LOC128125817: variants seen among roughly 807,000 people sequenced by gnomAD.
At chr1:41,613,049 G>A in the LOC128125817 span, among the ~76,000 whole-genome samples, 27 of 152,244 alleles carry the variant, frequency 1.8e-4, no homozygotes, top group African/African-American at 6.3e-4. Context: ...CAGGGCAGAG[G>A]ATTCCCTGGG....
chr1:41,615,381 C>T, the LOC128125817 span, among the ~76,000 whole-genome samples: 5 of 152,352 alleles, frequency 3.3e-5, no homozygotes, highest in Admixed American at 6.5e-5. Context: ...ATCTCCTCCA[C>T]CTGGAGAACC....
At chr1:41,624,097 G>A in the LOC128125817 span, among the ~76,000 whole-genome samples, 7 of 152,250 alleles carry the variant, frequency 4.6e-5, no homozygotes, top group East Asian at 3.9e-4. Flanking sequence ...CCTGGGTTGC[G>A]AAGAGTACTA....
the LOC128125817 span, among the ~76,000 whole-genome samples, chr1:41,619,636 C>T: frequency 2.6e-5 from 4 of 152,084 alleles, no homozygotes; most frequent in African/African-American, 9.7e-5. Context: ...TGGGGTGTCA[C>T]CTGACTGGTA....
the LOC128125817 span, among the ~76,000 whole-genome samples, chr1:41,598,366 C>T: frequency 6.6e-6 from 1 of 152,146 alleles, no homozygotes; most frequent in Non-Finnish European, 1.5e-5. Context: ...AGTTAAGGTT[C>T]TTGTGTCTAC....
chr1:41,596,695 A>G, the LOC128125817 span, among the ~76,000 whole-genome samples: 1 of 152,194 alleles, frequency 6.6e-6, no homozygotes, highest in African/African-American at 2.4e-5. Flanking sequence ...CTTTTTATAG[A>G]TGGGGGCAGG....
the LOC128125817 span, among the ~76,000 whole-genome samples, chr1:41,619,146 C>T: frequency 6.6e-6 from 1 of 152,204 alleles, no homozygotes; most frequent in Non-Finnish European, 1.5e-5. Flanking sequence ...CCCCCACCCC[C>T]ACTCCTCCAG....
chr1:41,607,792 C>T, the LOC128125817 span, among the ~76,000 whole-genome samples: 1 of 152,226 alleles, frequency 6.6e-6, no homozygotes, highest in African/African-American at 2.4e-5. Flanking sequence ...CAGTTTATTT[C>T]TGTCTTATGT....
the LOC128125817 span, among the ~76,000 whole-genome samples, chr1:41,593,171 T>A: frequency 6.6e-6 from 1 of 152,200 alleles, no homozygotes; most frequent in Non-Finnish European, 1.5e-5. Flanking sequence ...CTTGAAAAAT[T>A]TTAAACCACT....
chr1:41,588,679 G>A, the LOC128125817 span, among the ~76,000 whole-genome samples: 1 of 152,286 alleles, frequency 6.6e-6, no homozygotes, highest in African/African-American at 2.4e-5. Flanking sequence ...CCACACTTCT[G>A]AGTGGGGAGC....
At chr1:41,589,125 G>C in the LOC128125817 span, among the ~76,000 whole-genome samples, 1 of 152,214 alleles carries the variant, frequency 6.6e-6, no homozygotes, top group Non-Finnish European at 1.5e-5. Flanking sequence ...AAGTGATAAA[G>C]AAAAGAGCCA....
chr1:41,628,402 G>A, the LOC128125817 span, among the ~76,000 whole-genome samples: 1 of 152,192 alleles, frequency 6.6e-6, no homozygotes, highest in African/African-American at 2.4e-5. Flanking sequence ...AGTTGGACTG[G>A]CTTGTGGAGG....
the LOC128125817 span, among the ~76,000 whole-genome samples, chr1:41,623,527 G>T: frequency 6.6e-6 from 1 of 152,180 alleles, no homozygotes; most frequent in African/African-American, 2.4e-5. Context: ...AAGCACAGGG[G>T]TTTTTCTATC....
chr1:41,599,609 A>T, the LOC128125817 span, among the ~76,000 whole-genome samples: 1 of 152,232 alleles, frequency 6.6e-6, no homozygotes. Context: ...ACCTAAACTC[A>T]GAGATAAAAC....
chr1:41,615,725 G>A, the LOC128125817 span, among the ~76,000 whole-genome samples: 3 of 150,978 alleles, frequency 2.0e-5, no homozygotes, highest in South Asian at 6.3e-4. Context: ...TGGTAATCCC[G>A]AGTTCAGGAT....
At chr1:41,585,973 C>T in the LOC128125817 span, among the ~76,000 whole-genome samples, 1 of 152,180 alleles carries the variant, frequency 6.6e-6, no homozygotes, top group African/African-American at 2.4e-5. Flanking sequence ...CTAACCCGCA[C>T]CCCAGCCCAT....
chr1:41,620,175 G>C, the LOC128125817 span, among the ~76,000 whole-genome samples: 1 of 152,222 alleles, frequency 6.6e-6, no homozygotes, highest in African/African-American at 2.4e-5. Flanking sequence ...ACAGAGGCAA[G>C]ACAGCAGGGC....
the LOC128125817 span, among the ~76,000 whole-genome samples, chr1:41,590,218 C>T: frequency 2.1e-3 from 324 of 152,344 alleles, 1 homozygote; most frequent in South Asian, 4.6e-3. Context: ...AGAAGGATGT[C>T]TGGGCAAAGA....
At chr1:41,591,049 A>T in the LOC128125817 span, among the ~76,000 whole-genome samples, 1 of 152,236 alleles carries the variant, frequency 6.6e-6, no homozygotes, top group African/African-American at 2.4e-5. Context: ...GGCACCTGAC[A>T]TATAGTAAGC....
At chr1:41,598,101 TG>T in the LOC128125817 span, among the ~76,000 whole-genome samples, 1 of 152,282 alleles carries the variant, frequency 6.6e-6, no homozygotes, top group East Asian at 1.9e-4. Context: ...GAAGTGCTTG[TG>T]GGTGAAAGAG....
Sources: allele counts gnomAD v4.1 joint callset (sites outside exome capture counted in the v4.1 genomes callset), GRCh38; gene constraint gnomAD v4.1.1; transcripts MANE v1.5.